Variants in OR51B5 observed in about 807,000 individuals in gnomAD.
The protein encoded by OR51B5 is olfactory receptor 51B5.
For synonymous variants in OR51B5, 186 were observed against 144.8 expected, an observed-to-expected ratio of 1.28 and a Z score of -2.04; for missense variants, 456 against 374.6, an observed-to-expected ratio of 1.22 and a Z score of -1.79.
chr11:5,478,629 T>C (rs1183784224), intron 1 of OR51B5, among the ~76,000 whole-genome samples: 2 of 150,062 alleles, frequency 1.3e-5, no homozygotes, highest in Non-Finnish European at 3.0e-5. Context: ...TTTAGAAGAA[T>C]GTATAACTAG....
At chr11:5,385,307 A>T (rs146901104) in intron 1 of OR51B5, 1 of 152,184 alleles carries the variant, frequency 6.6e-6, no homozygotes, top group Non-Finnish European at 1.5e-5. Context: ...GAGGAAGTAT[A>T]CTTTCCAAGA....
chr11:5,413,330 T>C (rs10838065), intron 1 of OR51B5, among the ~76,000 whole-genome samples: 55,144 of 151,438 alleles, frequency 0.36, 10,104 homozygotes, highest in South Asian at 0.4. Context: ...ACCACAAAGA[T>C]GGGGAAAAAA....
chr11:5,389,301 T>C, intron 1 of OR51B5: 6 of 1,161,652 alleles, frequency 5.2e-6, no homozygotes, highest in Non-Finnish European at 6.2e-6. Flanking sequence ...CTAAAGGTGA[T>C]GATGACCATG....
intron 1 of OR51B5, among the ~76,000 whole-genome samples, chr11:5,375,038 C>G (rs1272940823): frequency 6.6e-6 from 1 of 151,440 alleles, no homozygotes; most frequent in South Asian, 2.1e-4. Context: ...TTGTCAGATT[C>G]ACCAAAGTTG....
rs898765108 is a variant in OR51B5, at chr11:5,499,748, A to G, written n.84+5821T>C. ...AATCTATCACCCTATCAGTACTGTT[A>G]TGACACAAGTCTAAACAATCTCTTC... On this transcript the variant is annotated intron_variant and non_coding_transcript_variant, in intron 1 of 4. Coordinates refer to the OR51B5 transcript ENST00000415970. 5.9e-5 allele frequency among the ~76,000 whole-genome samples: 9 copies of G among 152,284 alleles called. 1 individual carries two copies. The highest frequency in any genetic ancestry group is 2.6e-4 in the Admixed American group (4 of 15,290).
intron 1 of OR51B5, among the ~76,000 whole-genome samples, chr11:5,464,486 T>C: frequency 7.0e-6 from 1 of 142,748 alleles, no homozygotes; most frequent in Non-Finnish European, 1.5e-5. Flanking sequence ...CCTTCCTGTG[T>C]CCATGTGATC....
Position 5,342,832 on chromosome 11 carries a change from C to T in OR51B5, c.693G>A (p.Glu231=), listed in dbSNP as rs376138898. ...CACAGGTAATGAGAGCCTTGGCCCT[C>T]TCCTCTCTGGAGGCAATGCTCAGGA... Residue 231 remains glutamate, a synonymous_variant, in exon 1 of 1, where the codon GAG becomes GAA. Transcript: ENST00000300773. 171 of 1,613,020 alleles carry T rather than the reference C, an allele frequency of 1.1e-4. No individual in the cohort carries two copies. In the South Asian group the frequency reaches 1.7e-3, roughly 16 times the overall value.
chr11:5,391,347 T>G (rs1849792667), intron 1 of OR51B5: 1 of 152,228 alleles, frequency 6.6e-6, no homozygotes. Context: ...CCTTCCACAG[T>G]GCCCTGCATT....
intron 1 of OR51B5, chr11:5,489,330 G>A (rs1439687366): frequency 6.2e-7 from 1 of 1,614,042 alleles, no homozygotes; most frequent in East Asian, 2.2e-5. Flanking sequence ...TGGCTCTGCT[G>A]GCCATGGGAC....
At chr11:5,484,113 A>G (rs1000286241) in intron 1 of OR51B5, among the ~76,000 whole-genome samples, 1 of 152,058 alleles carries the variant, frequency 6.6e-6, no homozygotes, top group Non-Finnish European at 1.5e-5. Flanking sequence ...CCACCTGCAA[A>G]CTCATGTCTC....
intron 1 of OR51B5, among the ~76,000 whole-genome samples, chr11:5,383,567 ACTT>A (rs1446971307): frequency 3.9e-5 from 6 of 152,232 alleles, no homozygotes; most frequent in African/African-American, 1.2e-4. Flanking sequence ...ATATGAATTG[ACTT>A]CTTTATGAAA....
At chr11:5,419,889 C>T (rs1312698171) in intron 1 of OR51B5, among the ~76,000 whole-genome samples, 1 of 151,630 alleles carries the variant, frequency 6.6e-6, no homozygotes, top group Admixed American at 6.6e-5. Context: ...CAGGTAAGCA[C>T]ATTTCTATTG....
At chr11:5,346,001 C>G (rs186699529), upstream of OR51B5, 1 of 152,184 alleles carries the variant, frequency 6.6e-6, no homozygotes, top group Non-Finnish European at 1.5e-5. Flanking sequence ...AGCTCCTCCC[C>G]TTCTGTGTTC....
chr11:5,468,420 C>G (rs1013547171), intron 1 of OR51B5: 2 of 316,984 alleles, frequency 6.3e-6, no homozygotes, highest in Middle Eastern at 1.8e-3. Context: ...GAAGGACTAA[C>G]CTGGTACACC....
At chr11:5,464,341 G>C (rs918163933) in intron 1 of OR51B5, among the ~76,000 whole-genome samples, 1 of 152,114 alleles carries the variant, frequency 6.6e-6, no homozygotes. Context: ...ACGTTGTGCA[G>C]GTTAGTTACA....
rs1033077312 is a variant in OR51B5, at chr11:5,421,756, A to T, written n.85-74846T>A. On this transcript the variant is annotated intron_variant and non_coding_transcript_variant, in intron 1 of 4. Coordinates refer to the OR51B5 transcript ENST00000415970. ...GTGAGAATGCTGCTACAAAAGTCAA[A>T]GGAGATATTTGGAAAAAGACACTGG... Among the ~76,000 whole-genome samples the T allele has an allele frequency of 2.3e-4, 35 of 152,358 alleles. No individual in the cohort carries two copies. In the Middle Eastern group the frequency reaches 0.01, roughly 44 times the overall value.
intron 1 of OR51B5, among the ~76,000 whole-genome samples, chr11:5,413,133 A>C (rs185864277): frequency 0.011 from 1,708 of 152,090 alleles, 27 homozygotes; most frequent in African/African-American, 0.039. Flanking sequence ...TTCACGAAAA[A>C]CCACTGTTCT....
intron 1 of OR51B5, among the ~76,000 whole-genome samples, chr11:5,398,038 C>A (rs925597355): frequency 6.6e-6 from 1 of 152,114 alleles, no homozygotes; most frequent in African/African-American, 2.4e-5. Flanking sequence ...ACATCACACA[C>A]CGGGGCCTGT....
intron 1 of OR51B5, among the ~76,000 whole-genome samples, chr11:5,421,189 C>A (rs1193276941): frequency 6.6e-6 from 1 of 152,206 alleles, no homozygotes; most frequent in Admixed American, 6.5e-5. Context: ...CCTGTGGGAC[C>A]CAGGTCCCAA....
Sources: gnomAD v4.1 joint callset for allele counts (sites outside exome capture counted in the v4.1 genomes callset) on GRCh38, gnomAD v4.1.1 for gene constraint, MANE v1.5 for transcripts, NCBI Gene and HGNC (gene_info 2026-07-23, HGNC 2026-07-21) for gene names.